Variants in TNS1 observed in about 807,000 individuals in gnomAD.
The protein encoded by TNS1 is tensin 1.
In TNS1, 62 loss-of-function variants were observed where a neutral mutation model predicts 168.6. The observed-to-expected ratio is 0.37, with a 90% CI of 0.30 to 0.45. The LOEUF (loss-of-function observed/expected upper bound fraction) is 0.45. Ranked by LOEUF, TNS1 falls within the 20% of genes least tolerant of loss-of-function variation. The probability of loss-of-function intolerance (pLI) is 1.00; values close to 1 mark genes in which losing one functional copy is unlikely to be tolerated. For missense variants in TNS1, 2,240 were observed against 2,339.4 expected, an observed-to-expected ratio of 0.96 and a Z score of 0.88; for synonymous variants, 934 against 933.2, an observed-to-expected ratio of 1.00 and a Z score of -0.02.
chr2:217,833,362 T>A (rs1944721130), intron 21 of TNS1, among the ~76,000 whole-genome samples: 1 of 152,244 alleles, frequency 6.6e-6, no homozygotes, highest in East Asian at 1.9e-4. Context: ...GCCAGGCAAG[T>A]CTTTTGCTTC....
chr2:218,015,336 G>C (rs889797611), upstream of TNS1, among the ~76,000 whole-genome samples: 4 of 152,062 alleles, frequency 2.6e-5, no homozygotes, highest in Non-Finnish European at 5.9e-5. Flanking sequence ...GAAAAGCAGA[G>C]AGAAGGGAGA....
intron 19 of TNS1, among the ~76,000 whole-genome samples, chr2:217,845,004 A>G (rs1160865004): frequency 2.6e-5 from 4 of 152,238 alleles, no homozygotes; most frequent in Admixed American, 6.5e-5. Flanking sequence ...AACGCTTCCA[A>G]TGCTCCACAG....
At chr2:218,019,134 A>G (rs1958785747) in intron 1 of TNS1, among the ~76,000 whole-genome samples, 1 of 152,186 alleles carries the variant, frequency 6.6e-6, no homozygotes, top group South Asian at 2.1e-4. Context: ...GTACACAGAC[A>G]CACATAAAGC....
At chr2:217,849,389 C>T (rs971531902) in intron 18 of TNS1, among the ~76,000 whole-genome samples, 8 of 152,224 alleles carry the variant, frequency 5.3e-5, no homozygotes, top group Non-Finnish European at 1.0e-4. Flanking sequence ...TCACCAGCTT[C>T]CTGACCAGAG....
intron 2 of TNS1, among the ~76,000 whole-genome samples, chr2:217,990,668 T>C (rs1203121015): frequency 6.6e-6 from 1 of 152,202 alleles, no homozygotes; most frequent in Non-Finnish European, 1.5e-5. Flanking sequence ...ACCTTCTTCA[T>C]GCCACCCGCA....
At chr2:217,961,256 C>CAGAGAGAG (rs539858587) in intron 3 of TNS1, among the ~76,000 whole-genome samples, 238 of 141,104 alleles carry the variant, frequency 1.7e-3, no homozygotes, top group African/African-American at 5.7e-3. Flanking sequence ...CACACACACA[C>CAGAGAGAG]ACACAGAGAG....
At chr2:217,872,175 C>A (rs1254558984) in intron 18 of TNS1, among the ~76,000 whole-genome samples, 2 of 152,160 alleles carry the variant, frequency 1.3e-5, no homozygotes, top group Non-Finnish European at 2.9e-5. Flanking sequence ...TAAAAGAGGC[C>A]TGAGGACAAG....
intron 3 of TNS1, among the ~76,000 whole-genome samples, chr2:217,944,385 G>A (rs1176744546): frequency 1.3e-5 from 2 of 152,242 alleles, no homozygotes; most frequent in African/African-American, 2.4e-5. Flanking sequence ...AAGCGGGCAG[G>A]GAGGGGTCAA....
intron 22 of TNS1, chr2:217,830,027 C>T (rs1008228049): frequency 7.5e-6 from 11 of 1,470,550 alleles, no homozygotes; most frequent in African/African-American, 4.3e-5. Flanking sequence ...GTGGAGAAAA[C>T]GGAGATGGGA....
upstream of TNS1, among the ~76,000 whole-genome samples, chr2:218,015,081 C>T (rs1290151897): frequency 5.9e-5 from 9 of 152,266 alleles, no homozygotes; most frequent in East Asian, 1.2e-3. Flanking sequence ...GGCACCTCCA[C>T]TCCACACACC....
At chr2:217,996,724 C>T (rs1217090706) in intron 1 of TNS1, among the ~76,000 whole-genome samples, 1 of 152,006 alleles carries the variant, frequency 6.6e-6, no homozygotes, top group Non-Finnish European at 1.5e-5. Context: ...CCCCAGGGCT[C>T]TTGCAGCAGC....
intron 28 of TNS1, 75 bp downstream of exon 28, chr2:217,812,293 T>C: frequency 1.5e-6 from 2 of 1,294,884 alleles, no homozygotes; most frequent in African/African-American, 2.9e-5. Context: ...ATGTCCGGAG[T>C]GGCTGGCAGG....
At chr2:218,003,561 C>A (rs886202649), upstream of TNS1, among the ~76,000 whole-genome samples, 1 of 152,000 alleles carries the variant, frequency 6.6e-6, no homozygotes, top group Non-Finnish European at 1.5e-5. Flanking sequence ...AAATAGGGCC[C>A]GAGACTGGGG....
intron 18 of TNS1, among the ~76,000 whole-genome samples, chr2:217,869,170 G>T (rs1949547041): frequency 6.6e-6 from 1 of 152,218 alleles, no homozygotes; most frequent in African/African-American, 2.4e-5. Context: ...AAGAGGGAGG[G>T]CCTCTGCTGC....
At chr2:217,845,753 A>T (rs1946556276) in intron 19 of TNS1, among the ~76,000 whole-genome samples, 1 of 152,220 alleles carries the variant, frequency 6.6e-6, no homozygotes, top group Admixed American at 6.5e-5. Context: ...AAGGCAGTCC[A>T]CTACAAGATG....
intron 18 of TNS1, among the ~76,000 whole-genome samples, chr2:217,865,462 G>A (rs1949187642): frequency 6.6e-6 from 1 of 152,252 alleles, no homozygotes; most frequent in African/African-American, 2.4e-5. Context: ...AGGCAGGGAA[G>A]AAGGAGAGAG....
At chr2:217,809,525 GTGCATGGATGGATGC>G (rs1940321680) in intron 30 of TNS1, among the ~76,000 whole-genome samples, 2 of 16,300 alleles carry the variant, frequency 1.2e-4, no homozygotes, top group South Asian at 1.5e-3. Context: ...GGATGGATAG[GTGCATGGATGGATGC>G]ATGGATGGAT....
At chr2:217,905,753 G>A (rs2125785729) in intron 6 of TNS1, among the ~76,000 whole-genome samples, 1 of 152,320 alleles carries the variant, frequency 6.6e-6, no homozygotes, top group South Asian at 2.1e-4. Flanking sequence ...AGCACGTCCT[G>A]GAAGAGACCC....
intron 18 of TNS1, among the ~76,000 whole-genome samples, chr2:217,874,210 G>C (rs1950023213): frequency 6.6e-6 from 1 of 152,120 alleles, no homozygotes; most frequent in African/African-American, 2.4e-5. Flanking sequence ...GGGGAAACAG[G>C]GTAGACTTAA....
Sources: gnomAD v4.1 joint callset for allele counts (sites outside exome capture counted in the v4.1 genomes callset) on GRCh38, gnomAD v4.1.1 for gene constraint, MANE v1.5 for transcripts, NCBI Gene and HGNC (gene_info 2026-07-23, HGNC 2026-07-21) for gene names.